MAEL: variants seen among roughly 807,000 people sequenced by gnomAD.
MAEL encodes maelstrom spermatogenic transposon silencer, also known as protein maelstrom homolog.
MAEL carries 46 observed loss-of-function variants against 62.0 expected under a neutral mutation model. That is an observed-to-expected ratio of 0.74 (90% CI 0.59 to 0.95). The LOEUF is 0.95. MAEL is among the 40% of genes least tolerant of loss of function. The pLI is 0.00. For missense variants in MAEL, 497 were observed against 526.8 expected (o/e 0.94, Z 0.55); for synonymous variants, 172 against 175.5 (o/e 0.98, Z 0.16).
At chr1:167,011,039 C>G (rs1192781218) in intron 8 of MAEL, among the ~76,000 whole-genome samples, 1 of 152,018 alleles carries the variant, frequency 6.6e-6, no homozygotes, top group Admixed American at 6.6e-5. Flanking sequence ...GGGCCCTTCC[C>G]CCTTCCTCTT....
At chr1:167,021,536 C>A in intron 11 of MAEL, 132 bp from the exon 12 acceptor site, 1 of 647,990 alleles carries the variant, frequency 1.5e-6, no homozygotes, top group South Asian at 3.1e-5. Context: ...GGGCTAAAAA[C>A]AAAAACATTT....
At chr1:166,977,950 C>CA (rs869130963) in intron 1 of MAEL, among the ~76,000 whole-genome samples, 31 of 132,886 alleles carry the variant, frequency 2.3e-4, no homozygotes, top group Non-Finnish European at 2.7e-4. Flanking sequence ...GACCCTGTCT[C>CA]AAAAAAAATG....
Position 167,021,917 on chromosome 1 carries a change from C to A in MAEL, c.*62C>A. 2 of 1,025,262 alleles carry A rather than the reference C, an allele frequency of 2.0e-6. No individual in the cohort carries two copies. Among genetic ancestry groups the A allele is most frequent in the South Asian group, 3.3e-5 (2 of 59,906 alleles). The allele number at this position is 1,025,262 out of a possible 1,614,324, so 63.5% of individuals were successfully genotyped here. A position where few individuals can be genotyped will look rare whatever the true frequency, so the allele number is the denominator to read the frequency against. On this transcript the variant is annotated 3_prime_UTR_variant, in exon 12 of 12. Coordinates refer to ENST00000367872, the MANE Select transcript of MAEL (RefSeq NM_032858.3). ...GGCCCAACTTCCTTCTTACTACAGT[C>A]ATATTAAACAGATCACATCAATGAC... is the stretch of plus-strand genomic sequence containing the variant.
At chr1:166,978,719 G>C (rs975856437) in intron 1 of MAEL, among the ~76,000 whole-genome samples, 1 of 152,200 alleles carries the variant, frequency 6.6e-6, no homozygotes, top group Non-Finnish European at 1.5e-5. Flanking sequence ...TTGAGCTGAT[G>C]TTTTCTAATG....
At chr1:167,004,473 G>A (rs920453617) in intron 6 of MAEL, among the ~76,000 whole-genome samples, 169 bp downstream of exon 6, 2 of 150,890 alleles carry the variant, frequency 1.3e-5, no homozygotes, top group African/African-American at 4.9e-5. Context: ...TTTTAAAAAT[G>A]TCTCCAATTT....
Position 166,989,502 on chromosome 1 carries a change from T to G in MAEL, c.132+18T>G. The G allele has an allele frequency of 6.3e-7, 1 of 1,577,312 alleles. No individual in the cohort carries two copies. Among genetic ancestry groups the G allele is most frequent in the Non-Finnish European group, 8.6e-7 (1 of 1,161,656 alleles). ...ACTGGGCGGTAAGGCTGGAGCGGAGTGAGAGGGCTGGGCAGGGCAGTTGGG... is the reference window on the plus strand; with the variant it reads ...ACTGGGCGGTAAGGCTGGAGCGGAGGGAGAGGGCTGGGCAGGGCAGTTGGG... On this transcript the variant is annotated intron_variant, in intron 1 of 11. Transcript: ENST00000367872.
intron 1 of MAEL, among the ~76,000 whole-genome samples, chr1:166,980,753 G>A (rs73026753): frequency 0.026 from 3,998 of 152,136 alleles, 187 homozygotes; most frequent in African/African-American, 0.093. Context: ...AGCATTGACA[G>A]CCCCCCAGAT....
chr1:166,997,517 AAC>A (rs1456027678), intron 5 of MAEL, among the ~76,000 whole-genome samples: 4 of 152,092 alleles, frequency 2.6e-5, no homozygotes, highest in Non-Finnish European at 5.9e-5. Flanking sequence ...TCTTTTAATG[AAC>A]AGACTTTTTA....
chr1:167,021,630 A>G (rs758358210), intron 11 of MAEL, 38 bp from the exon 12 acceptor site: 1 of 1,407,516 alleles, frequency 7.1e-7, no homozygotes. Flanking sequence ...AAATTATAAA[A>G]TTGCTATATC....
At chr1:166,984,898 T>C (rs143820595), upstream of MAEL, among the ~76,000 whole-genome samples, 297 of 152,328 alleles carry the variant, frequency 1.9e-3, 1 homozygote, top group Admixed American at 3.3e-3. Context: ...TGTTCACCCA[T>C]CTAAATATTT....
At chr1:167,020,695 T>A (rs186450779) in intron 10 of MAEL, among the ~76,000 whole-genome samples, 12 of 152,270 alleles carry the variant, frequency 7.9e-5, no homozygotes, top group Non-Finnish European at 1.6e-4. Flanking sequence ...ACTCCTATTT[T>A]AATGAATGAA....
chr1:166,977,605 T>A (rs1272364647), intron 1 of MAEL, among the ~76,000 whole-genome samples: 1 of 152,250 alleles, frequency 6.6e-6, no homozygotes, highest in Non-Finnish European at 1.5e-5. Flanking sequence ...TCTATGTGTG[T>A]GTGTCACAGT....
chr1:167,001,931 G>A (rs555703920), intron 5 of MAEL, among the ~76,000 whole-genome samples: 3 of 152,082 alleles, frequency 2.0e-5, no homozygotes, highest in Non-Finnish European at 4.4e-5. Context: ...ATAGGTGCAC[G>A]TCACACGCCC....
upstream of MAEL, chr1:166,989,144 A>T: frequency 1.5e-6 from 1 of 671,106 alleles, no homozygotes; most frequent in Non-Finnish European, 2.4e-6. Flanking sequence ...CTCTCCCCCC[A>T]CCTCACCCGC....
At chr1:166,984,593 A>G (rs1454839314), upstream of MAEL, among the ~76,000 whole-genome samples, 6 of 152,204 alleles carry the variant, frequency 3.9e-5, no homozygotes, top group African/African-American at 1.4e-4. Context: ...ATGAACAACA[A>G]TTGTACTTAG....
chr1:167,017,797 C>G (rs1396684574), intron 9 of MAEL, 30 bp from the exon 10 acceptor site: 1 of 1,573,992 alleles, frequency 6.4e-7, no homozygotes, highest in South Asian at 1.2e-5. Flanking sequence ...AAATTAGATT[C>G]TGATAGTGAG....
chr1:167,019,025 C>A (rs1418237394), intron 10 of MAEL, among the ~76,000 whole-genome samples: 1 of 152,172 alleles, frequency 6.6e-6, no homozygotes, highest in Non-Finnish European at 1.5e-5. Flanking sequence ...GGAAGGACTT[C>A]AGAGCTCTCC....
chr1:167,007,423 C>A (rs1201344620), intron 8 of MAEL, among the ~76,000 whole-genome samples: 1 of 152,148 alleles, frequency 6.6e-6, no homozygotes, highest in Non-Finnish European at 1.5e-5. Flanking sequence ...TTAGCCATTT[C>A]TCCCAAGAAT....
At position 167,004,262 on chromosome 1, in the gene MAEL, T is replaced by C; in HGVS notation, c.606T>C (p.Phe202=). ...QATVLQNLYR[F]IHPNPGNWPP... is the part of the protein sequence containing the mutation. Reference sequence around the variant, plus strand: ...CTGTGTTACAAAACCTTTATAGATTTATTCATCCCAACCCAGGGAACTGGC... The same window carrying C: ...CTGTGTTACAAAACCTTTATAGATTCATTCATCCCAACCCAGGGAACTGGC... The change falls in exon 6 of 12, where the codon TTT becomes TTC. Residue 202 remains phenylalanine, a synonymous_variant. Transcript: ENST00000367872. 1 of 1,609,692 alleles carries C rather than the reference T, an allele frequency of 6.2e-7. No individual in the cohort carries two copies. Among genetic ancestry groups the C allele is most frequent in the Non-Finnish European group, 8.5e-7 (1 of 1,178,102 alleles).
Sources: gnomAD v4.1 joint callset for allele counts (sites outside exome capture counted in the v4.1 genomes callset) on GRCh38, gnomAD v4.1.1 for gene constraint, MANE v1.5 for transcripts, NCBI Gene and HGNC (gene_info 2026-07-23, HGNC 2026-07-21) for gene names.